AUH: variants seen among roughly 807,000 people sequenced by gnomAD.
AUH encodes methylglutaconyl-CoA hydratase, mitochondrial.
In AUH, 29 loss-of-function variants were observed where a neutral mutation model predicts 42.3. The observed-to-expected ratio is 0.69, with a 90% CI of 0.51 to 0.93. AUH has a LOEUF of 0.93. Ranked by LOEUF, AUH falls within the 40% of genes least tolerant of loss-of-function variation. The pLI is 0.00. For synonymous variants in AUH, 174 were observed against 166.4 expected, an observed-to-expected ratio of 1.05 and a Z score of -0.35; for missense variants, 452 against 438.1, an observed-to-expected ratio of 1.03 and a Z score of -0.28.
chr9:91,304,542 C>T (rs560449752), intron 4 of AUH, among the ~76,000 whole-genome samples: 1 of 152,272 alleles, frequency 6.6e-6, no homozygotes, highest in South Asian at 2.1e-4. Flanking sequence ...AAGTACCTTC[C>T]TTAACTCTTA....
chr9:91,252,430 C>T (rs1829184217), intron 6 of AUH, among the ~76,000 whole-genome samples: 1 of 152,164 alleles, frequency 6.6e-6, no homozygotes, highest in Non-Finnish European at 1.5e-5. Context: ...GTCCTAAGAA[C>T]TTTATCAACT....
At chr9:91,338,938 A>G (rs1830900373) in intron 3 of AUH, among the ~76,000 whole-genome samples, 2 of 152,216 alleles carry the variant, frequency 1.3e-5, no homozygotes, top group African/African-American at 2.4e-5. Flanking sequence ...ATCTCTTTGA[A>G]TAGTTTAGAC....
Position 91,361,806 on chromosome 9 carries a change from C to G in AUH, c.84G>C (p.Ala28=). ...GGARLVAACS[A]WLCPGLRLPG... The stretch of plus-strand genomic sequence containing the variant: ...GCAGCCTCAACCCCGGGCAGAGCCA[C>G]GCACTGCAAGCGGCCACCAGGCGGG... The change falls in exon 1 of 10, where the codon GCG becomes GCC. Residue 28 remains alanine (A), a synonymous_variant. Transcript: ENST00000375731. 1 of 1,525,914 alleles carries G rather than the reference C, an allele frequency of 6.6e-7. No individual in the cohort carries two copies. Among genetic ancestry groups the G allele is most frequent in the Non-Finnish European group, 8.8e-7 (1 of 1,140,418 alleles). 94.5% of individuals were successfully genotyped at this position (1,525,914 alleles called of 1,614,324 possible). A position where few individuals can be genotyped will look rare whatever the true frequency, so the allele number is the denominator to read the frequency against.
chr9:91,315,153 G>A (rs1189374256), intron 4 of AUH, among the ~76,000 whole-genome samples: 2 of 152,140 alleles, frequency 1.3e-5, no homozygotes, highest in Non-Finnish European at 2.9e-5. Flanking sequence ...TGGCCAGGCT[G>A]GTCTCGAACT....
chr9:91,220,773 G>A (rs764844824), intron 7 of AUH, 32 bp downstream of exon 7: 1 of 1,610,436 alleles, frequency 6.2e-7, no homozygotes, highest in East Asian at 2.2e-5. Flanking sequence ...TTCCTAAAAT[G>A]AGAAAAAATA....
At chr9:91,257,729 T>C (rs191896216) in intron 6 of AUH, among the ~76,000 whole-genome samples, 2 of 152,332 alleles carry the variant, frequency 1.3e-5, no homozygotes, top group African/African-American at 4.8e-5. Context: ...AGGTAGTGTT[T>C]AATCTACCAA....
intron 3 of AUH, among the ~76,000 whole-genome samples, chr9:91,344,538 C>T (rs1831343626): frequency 1.3e-5 from 2 of 152,160 alleles, no homozygotes; most frequent in Non-Finnish European, 2.9e-5. Context: ...ACTTTTCAAA[C>T]AGAAGAAACT....
intron 6 of AUH, among the ~76,000 whole-genome samples, chr9:91,226,696 A>C (rs1383046310): frequency 1.7e-5 from 2 of 121,078 alleles, no homozygotes; most frequent in East Asian, 2.3e-4. Flanking sequence ...TCTAACGTTT[A>C]AGTCTTTAAT....
At chr9:91,328,923 G>A (rs1830138575) in intron 3 of AUH, among the ~76,000 whole-genome samples, 1 of 152,128 alleles carries the variant, frequency 6.6e-6, no homozygotes, top group African/African-American at 2.4e-5. Context: ...CCCATATGCA[G>A]TTGCTCCCTG....
At chr9:91,230,421 T>TTCTC (rs1289115967) in intron 6 of AUH, among the ~76,000 whole-genome samples, 2 of 151,054 alleles carry the variant, frequency 1.3e-5, no homozygotes, top group Non-Finnish European at 3.0e-5. Context: ...CTTTAAGCAC[T>TTCTC]TCTCTGTATT....
intron 3 of AUH, among the ~76,000 whole-genome samples, chr9:91,340,621 C>A (rs551386096): frequency 3.3e-5 from 5 of 152,166 alleles, no homozygotes; most frequent in Admixed American, 1.3e-4. Context: ...GAACAAAATA[C>A]TTCTCAAACT....
chr9:91,345,705 C>A (rs1236467461), intron 3 of AUH, among the ~76,000 whole-genome samples: 2 of 151,826 alleles, frequency 1.3e-5, no homozygotes, highest in Admixed American at 1.3e-4. Context: ...TGGTGGCGAG[C>A]CCCTGTAGTC....
chr9:91,218,406 T>C (rs971188028), intron 7 of AUH, among the ~76,000 whole-genome samples: 1 of 152,250 alleles, frequency 6.6e-6, no homozygotes, highest in African/African-American at 2.4e-5. Flanking sequence ...TGTGCTCCTC[T>C]AATTTTTCCA....
At position 91,307,122 on chromosome 9, in the gene AUH, T is replaced by C. The variant is rs563771852; in HGVS notation, c.506-9046A>G. Among the ~76,000 whole-genome samples the C allele has an allele frequency of 9.2e-5, 14 of 152,224 alleles. No homozygotes were observed. In the South Asian group the frequency reaches 2.3e-3, roughly 25 times the overall value. ...AAAAGAAAGAGACAGCAAACGGCCA[T>C]GAGGAAATTTCTGGAGGTGATGGAC... On this transcript the variant is annotated intron_variant, in intron 4 of 9. Transcript: ENST00000375731.
intron 6 of AUH, among the ~76,000 whole-genome samples, chr9:91,291,058 A>G (rs1308589008): frequency 6.6e-6 from 1 of 152,104 alleles, no homozygotes; most frequent in African/African-American, 2.4e-5. Flanking sequence ...AATCTGTTCC[A>G]TGCCTCTCAC....
chr9:91,254,530 A>T (rs1160083183), intron 6 of AUH, among the ~76,000 whole-genome samples: 2 of 152,238 alleles, frequency 1.3e-5, no homozygotes, highest in Non-Finnish European at 2.9e-5. Context: ...ATAGAATTCC[A>T]GAGTTTAACT....
chr9:91,323,142 A>G (rs534325157), intron 4 of AUH, among the ~76,000 whole-genome samples: 308 of 152,312 alleles, frequency 2.0e-3, no homozygotes, highest in Middle Eastern at 6.8e-3. Flanking sequence ...TGAATACTCT[A>G]TGAGGGCCTG....
chr9:91,316,059 T>C (rs1829132949), intron 4 of AUH, among the ~76,000 whole-genome samples: 3 of 152,248 alleles, frequency 2.0e-5, no homozygotes, highest in African/African-American at 4.8e-5. Context: ...TGTATAAATA[T>C]ACCAAAATAT....
At chr9:91,260,851 T>C (rs138894643) in intron 6 of AUH, among the ~76,000 whole-genome samples, 32 of 152,304 alleles carry the variant, frequency 2.1e-4, no homozygotes, top group African/African-American at 7.0e-4. Context: ...TTCCACGGTG[T>C]CTATTTCTGT....
Sources: allele counts gnomAD v4.1 joint callset (sites outside exome capture counted in the v4.1 genomes callset), GRCh38; gene constraint gnomAD v4.1.1; transcripts MANE v1.5; gene names NCBI Gene and HGNC (gene_info 2026-07-23, HGNC 2026-07-21).